The following CTNNA3 variants were observed in gnomAD, a reference collection of about 807,000 sequenced individuals.
CTNNA3 encodes catenin alpha 3, also known as catenin alpha-3.
CTNNA3 carries 76 observed loss-of-function variants against 95.7 expected under a neutral mutation model. The observed-to-expected ratio is 0.79, with a 90% CI of 0.66 to 0.96. CTNNA3 has a LOEUF of 0.96. Ranked by LOEUF, CTNNA3 falls within the 40% of genes least tolerant of loss-of-function variation. The probability of loss-of-function intolerance (pLI) is 0.00; values close to 1 mark genes in which losing one functional copy is unlikely to be tolerated. For missense variants in CTNNA3, 1,191 were observed against 1,089.8 expected (o/e 1.09, Z -1.31); for synonymous variants, 431 against 374.4 (o/e 1.15, Z -1.74).
intron 1 of CTNNA3, among the ~76,000 whole-genome samples, chr10:67,668,304 C>G (rs1589553023): frequency 6.6e-6 from 1 of 152,090 alleles, no homozygotes; most frequent in Non-Finnish European, 1.5e-5. Flanking sequence ...ACACTATATG[C>G]TGTATCTGAA....
intron 9 of CTNNA3, among the ~76,000 whole-genome samples, chr10:66,707,587 A>G (rs544713942): frequency 6.6e-6 from 1 of 152,178 alleles, no homozygotes; most frequent in East Asian, 1.9e-4. Flanking sequence ...ACATGTTGGG[A>G]GTGCCAAGTA....
chr10:66,540,781 C>G (rs1383679601), intron 10 of CTNNA3, among the ~76,000 whole-genome samples: 1 of 152,068 alleles, frequency 6.6e-6, no homozygotes, highest in Non-Finnish European at 1.5e-5. Flanking sequence ...AAAAGAACCG[C>G]TGCATTCCAA....
chr10:67,232,329 A>C (rs1865252884), intron 5 of CTNNA3, among the ~76,000 whole-genome samples: 1 of 152,208 alleles, frequency 6.6e-6, no homozygotes, highest in African/African-American at 2.4e-5. Context: ...GAAACTCTAC[A>C]AGCCAGAAGA....
chr10:66,690,421 C>A (rs1253365660), intron 9 of CTNNA3, among the ~76,000 whole-genome samples: 1 of 151,558 alleles, frequency 6.6e-6, no homozygotes, highest in Non-Finnish European at 1.5e-5. Flanking sequence ...GTGTGCTGCA[C>A]CCATTAACTC....
intron 9 of CTNNA3, among the ~76,000 whole-genome samples, chr10:66,706,336 T>G (rs1187483827): frequency 2.0e-5 from 3 of 151,814 alleles, no homozygotes; most frequent in Admixed American, 2.0e-4. Flanking sequence ...ATCTACTCAT[T>G]GTTGTCAAAA....
chr10:66,058,739 T>C (rs996132004), intron 15 of CTNNA3, among the ~76,000 whole-genome samples: 19 of 152,142 alleles, frequency 1.2e-4, no homozygotes, highest in African/African-American at 4.6e-4. Context: ...GCAGACAAGT[T>C]GGCTTAGTTA....
intron 15 of CTNNA3, among the ~76,000 whole-genome samples, chr10:66,006,142 A>G (rs1374719689): frequency 6.6e-6 from 1 of 150,816 alleles, no homozygotes; most frequent in Admixed American, 6.6e-5. Flanking sequence ...CCTCCCAAGT[A>G]GCTGGGACTA....
At chr10:66,729,125 C>T (rs1589179226) in intron 9 of CTNNA3, among the ~76,000 whole-genome samples, 1 of 152,070 alleles carries the variant, frequency 6.6e-6, no homozygotes, top group East Asian at 1.9e-4. Flanking sequence ...GTTCTTGTAC[C>T]AGTGCTATAA....
At chr10:67,033,152 G>A (rs898273430) in intron 7 of CTNNA3, among the ~76,000 whole-genome samples, 2 of 152,154 alleles carry the variant, frequency 1.3e-5, no homozygotes, top group African/African-American at 4.8e-5. Flanking sequence ...TTTAATTTTA[G>A]AGATCATTGC....
intron 13 of CTNNA3, among the ~76,000 whole-genome samples, chr10:66,146,026 G>T (rs1489331831): frequency 2.0e-5 from 3 of 152,082 alleles, no homozygotes; most frequent in African/African-American, 7.2e-5. Context: ...GCTAATGTTT[G>T]TGTTTTTAGT....
At chr10:67,220,737 T>C (rs896016453) in intron 5 of CTNNA3, among the ~76,000 whole-genome samples, 1 of 152,140 alleles carries the variant, frequency 6.6e-6, no homozygotes, top group Non-Finnish European at 1.5e-5. Flanking sequence ...GTCTAAGTGA[T>C]AGGCGATCAG....
intron 16 of CTNNA3, among the ~76,000 whole-genome samples, chr10:65,970,693 A>C (rs920023152): frequency 6.7e-6 from 1 of 148,186 alleles, no homozygotes; most frequent in South Asian, 2.1e-4. Context: ...TATTAGGTAA[A>C]ATATATGTAT....
Position 66,791,522 on chromosome 10 carries a change from C to A in CTNNA3, c.1048-15998G>T, listed in dbSNP as rs558867032. Among the ~76,000 whole-genome samples the A allele has an allele frequency of 7.2e-5, 11 of 152,286 alleles. No individual in the cohort carries two copies. In the South Asian group the frequency reaches 2.3e-3, roughly 32 times the overall value. Reference sequence around the variant, plus strand: ...TCCAATGCCACTTCTGCCAGAAAGCCTTCCCAAACTCAGCACTTACAAATG... The same window carrying A: ...TCCAATGCCACTTCTGCCAGAAAGCATTCCCAAACTCAGCACTTACAAATG... On this transcript the variant is annotated intron_variant, in intron 7 of 17. Coordinates refer to ENST00000433211, the MANE Select transcript of CTNNA3 (RefSeq NM_013266.4).
At chr10:66,704,629 G>T (rs553595044) in intron 9 of CTNNA3, among the ~76,000 whole-genome samples, 1 of 152,068 alleles carries the variant, frequency 6.6e-6, no homozygotes, top group South Asian at 2.1e-4. Flanking sequence ...GGTCTGGGAG[G>T]GTCTTCTTCC....
At chr10:67,273,144 C>A (rs1236965051) in intron 5 of CTNNA3, among the ~76,000 whole-genome samples, 1 of 152,010 alleles carries the variant, frequency 6.6e-6, no homozygotes, top group African/African-American at 2.4e-5. Flanking sequence ...ATTCCTCATA[C>A]CTAAAATGGA....
intron 9 of CTNNA3, among the ~76,000 whole-genome samples, chr10:66,633,611 C>T (rs1028122883): frequency 4.0e-5 from 6 of 151,846 alleles, no homozygotes; most frequent in African/African-American, 1.5e-4. Context: ...ACCCAGAAGG[C>T]AGAGCTTGCA....
chr10:67,360,556 T>C (rs1842961522), intron 5 of CTNNA3, among the ~76,000 whole-genome samples: 1 of 152,058 alleles, frequency 6.6e-6, no homozygotes, highest in African/African-American at 2.4e-5. Flanking sequence ...AAAGAATACC[T>C]GAGACTGGGT....
intron 13 of CTNNA3, among the ~76,000 whole-genome samples, chr10:66,106,321 TTGTGTGTGTGTGTGTTTG>T (rs1484545638): frequency 5.8e-5 from 8 of 139,036 alleles, no homozygotes; most frequent in African/African-American, 2.2e-4. Context: ...TCTGGAAGTT[TTGTGTGTGTGTGTGTTTG>T]TGTGTGTGTG....
intron 7 of CTNNA3, among the ~76,000 whole-genome samples, chr10:66,993,969 G>A (rs930909430): frequency 1.3e-5 from 2 of 152,098 alleles, no homozygotes; most frequent in African/African-American, 4.8e-5. Context: ...ATAGCACCAA[G>A]TACACTGCCA....
Sources: gnomAD v4.1 joint callset for allele counts (sites outside exome capture counted in the v4.1 genomes callset) on GRCh38, gnomAD v4.1.1 for gene constraint, MANE v1.5 for transcripts, NCBI Gene and HGNC (gene_info 2026-07-23, HGNC 2026-07-21) for gene names.